Variants in ZNF385D observed in about 807,000 individuals in gnomAD.
The protein encoded by ZNF385D is zinc finger protein 385D.
Under a neutral mutation model 35.8 loss-of-function variants are expected in ZNF385D, and 15 were observed. The ratio of observed to expected loss-of-function variants is 0.42; its 90% confidence interval spans 0.28 to 0.64. The LOEUF (loss-of-function observed/expected upper bound fraction) is 0.64. ZNF385D is among the 30% of genes least tolerant of loss of function. The pLI is 0.23. For missense variants in ZNF385D, 474 were observed against 494.6 expected, an observed-to-expected ratio of 0.96 and a Z score of 0.39; for synonymous variants, 212 against 186.8, an observed-to-expected ratio of 1.13 and a Z score of -1.10.
chr3:21,575,623 T>G (rs150559634), intron 2 of ZNF385D, among the ~76,000 whole-genome samples: 62 of 152,338 alleles, frequency 4.1e-4, no homozygotes, highest in African/African-American at 1.3e-3. Flanking sequence ...TTTTCCCAGC[T>G]TTCAGGACTC....
intron 3 of ZNF385D, among the ~76,000 whole-genome samples, chr3:22,142,365 A>G (rs1443001118): frequency 6.6e-6 from 1 of 152,238 alleles, no homozygotes; most frequent in Non-Finnish European, 1.5e-5. Flanking sequence ...TTATCTCCAT[A>G]GCTCTTTTCC....
intron 2 of ZNF385D, among the ~76,000 whole-genome samples, chr3:22,325,074 T>C (rs1030451385): frequency 2.0e-5 from 3 of 152,234 alleles, no homozygotes; most frequent in African/African-American, 7.2e-5. Context: ...GTACTTAGTA[T>C]AGTGCACGCC....
chr3:22,142,594 C>G (rs1704576375), intron 3 of ZNF385D, among the ~76,000 whole-genome samples: 1 of 151,936 alleles, frequency 6.6e-6, no homozygotes, highest in Non-Finnish European at 1.5e-5. Context: ...GTCTCCAACC[C>G]GAGAAACATA....
At chr3:22,189,338 G>C (rs1178046173) in intron 2 of ZNF385D, among the ~76,000 whole-genome samples, 2 of 152,090 alleles carry the variant, frequency 1.3e-5, no homozygotes, top group East Asian at 1.9e-4. Flanking sequence ...AATGTCACTG[G>C]AATCATCTCT....
At chr3:21,720,913 T>C (rs1256929439) in intron 1 of ZNF385D, among the ~76,000 whole-genome samples, 1 of 152,206 alleles carries the variant, frequency 6.6e-6, no homozygotes, top group Non-Finnish European at 1.5e-5. Context: ...CACGCAATTA[T>C]TTGTACCTTT....
rs187513329 is a variant in ZNF385D at position 22,038,138 on chromosome 3, T to A, written c.325+130679A>T. Among the ~76,000 whole-genome samples, 19 of 152,280 alleles carry A rather than the reference T, an allele frequency of 1.2e-4. No individual in the cohort carries two copies. The East Asian group carries it at 3.1e-3, about 25-fold the overall frequency. On this transcript the variant is annotated intron_variant, in intron 3 of 5. Transcript: ENST00000494108. ...AAATTGAACTCCATCTGGGTTTATT[T>A]GGCACCAACCTAGAGCAAATTGCTG...
At chr3:21,649,679 G>T (rs534028788) in intron 2 of ZNF385D, among the ~76,000 whole-genome samples, 3 of 151,868 alleles carry the variant, frequency 2.0e-5, no homozygotes, top group African/African-American at 7.3e-5. Context: ...ATGCAAAACC[G>T]GATATAATTA....
chr3:21,477,190 G>T (rs1221007674), intron 4 of ZNF385D, among the ~76,000 whole-genome samples: 1 of 152,060 alleles, frequency 6.6e-6, no homozygotes, highest in Non-Finnish European at 1.5e-5. Flanking sequence ...AACCAGCCTG[G>T]GTGAGAGCCT....
At chr3:21,768,711 A>G (rs1407075356) in intron 3 of ZNF385D, among the ~76,000 whole-genome samples, 1 of 151,990 alleles carries the variant, frequency 6.6e-6, no homozygotes, top group Non-Finnish European at 1.5e-5. Flanking sequence ...TCACAGAGTT[A>G]CAGACCAAGA....
intron 3 of ZNF385D, among the ~76,000 whole-genome samples, chr3:21,941,202 ATT>A (rs918064578): frequency 6.6e-6 from 1 of 152,014 alleles, no homozygotes; most frequent in African/African-American, 2.4e-5. Flanking sequence ...CAAAGCTTTG[ATT>A]TTTCTTAGCT....
chr3:21,748,631 C>T (rs1471736847), intron 1 of ZNF385D, among the ~76,000 whole-genome samples: 1 of 152,166 alleles, frequency 6.6e-6, no homozygotes, highest in East Asian at 1.9e-4. Flanking sequence ...TTCCCTTTGT[C>T]CCTGTTCTCC....
At chr3:21,920,375 G>A (rs1393210375) in intron 3 of ZNF385D, among the ~76,000 whole-genome samples, 22 of 151,986 alleles carry the variant, frequency 1.4e-4, no homozygotes, top group Admixed American at 1.4e-3. Flanking sequence ...AGGGATTTGG[G>A]GTCATTGTTA....
At chr3:21,457,265 C>T (rs1392550690) in intron 4 of ZNF385D, among the ~76,000 whole-genome samples, 2 of 152,148 alleles carry the variant, frequency 1.3e-5, no homozygotes, top group African/African-American at 4.8e-5. Flanking sequence ...AAGAATTTTT[C>T]ATCTCTTTAA....
chr3:22,223,838 A>C (rs2125284764), intron 2 of ZNF385D, among the ~76,000 whole-genome samples: 1 of 152,290 alleles, frequency 6.6e-6, no homozygotes, highest in African/African-American at 2.4e-5. Context: ...ATTTTCATGT[A>C]GTTCCTAAGG....
At chr3:22,107,878 T>C (rs1559374641) in intron 3 of ZNF385D, among the ~76,000 whole-genome samples, 1 of 151,920 alleles carries the variant, frequency 6.6e-6, no homozygotes, top group Non-Finnish European at 1.5e-5. Context: ...GTGTTGTCAA[T>C]GTGATGGTAT....
chr3:22,096,090 C>G (rs1187279901), intron 3 of ZNF385D, among the ~76,000 whole-genome samples: 2 of 151,514 alleles, frequency 1.3e-5, no homozygotes, highest in East Asian at 3.9e-4. Context: ...GAGATGAAGA[C>G]TAAATTGAGA....
intron 3 of ZNF385D, among the ~76,000 whole-genome samples, chr3:21,534,696 G>T (rs181041717): frequency 1.3e-5 from 2 of 152,242 alleles, no homozygotes; most frequent in Admixed American, 1.3e-4. Context: ...CTGTTGGAAA[G>T]AAATCATTTA....
chr3:22,128,060 G>C (rs958715135), intron 3 of ZNF385D, among the ~76,000 whole-genome samples: 5 of 152,100 alleles, frequency 3.3e-5, no homozygotes, highest in South Asian at 2.1e-4. Context: ...ATTCTTGTAG[G>C]TTATGTACAG....
intron 2 of ZNF385D, among the ~76,000 whole-genome samples, chr3:22,316,714 T>C (rs749508791): frequency 3.3e-5 from 5 of 152,204 alleles, no homozygotes; most frequent in African/African-American, 7.2e-5. Context: ...CAGAGTTATA[T>C]TGATAATCAA....
Sources: allele counts gnomAD v4.1 joint callset (sites outside exome capture counted in the v4.1 genomes callset), GRCh38; gene constraint gnomAD v4.1.1; transcripts MANE v1.5; gene names NCBI Gene and HGNC (gene_info 2026-07-23, HGNC 2026-07-21).